Variants in SPATA22 observed in about 807,000 individuals in gnomAD.
SPATA22 encodes spermatogenesis associated 22.
A neutral mutation model predicts 47.8 loss-of-function variants in SPATA22; 29 were observed. The observed-to-expected ratio is 0.61, with a 90% CI of 0.45 to 0.83. The LOEUF (loss-of-function observed/expected upper bound fraction) is 0.83. Ranked by LOEUF, SPATA22 falls within the 40% of genes least tolerant of loss-of-function variation. The pLI, the probability that SPATA22 is intolerant of heterozygous loss-of-function variation, is 0.00. For synonymous variants in SPATA22, 133 were observed against 140.9 expected (o/e 0.94, Z 0.40); for missense variants, 410 against 421.7 (o/e 0.97, Z 0.24).
chr17:3,475,035 G>A (rs1307722683), upstream of SPATA22, among the ~76,000 whole-genome samples: 3 of 152,150 alleles, frequency 2.0e-5, no homozygotes, highest in Admixed American at 6.5e-5. Flanking sequence ...TGAGTGAAAG[G>A]ACATTATAAA....
chr17:3,464,662 C>A (rs1313443729), intron 3 of SPATA22, among the ~76,000 whole-genome samples: 5 of 151,282 alleles, frequency 3.3e-5, no homozygotes, highest in Admixed American at 6.6e-5. Flanking sequence ...AGCGCCTCTG[C>A]CCGGCCGCGA....
intron 1 of SPATA22, among the ~76,000 whole-genome samples, chr17:3,477,071 C>T (rs1343748575): frequency 1.3e-5 from 2 of 151,838 alleles, no homozygotes; most frequent in African/African-American, 4.8e-5. Context: ...AGGAGAATGG[C>T]GTGAACCCGG....
At chr17:3,477,965 G>A (rs1198902287) in intron 1 of SPATA22, among the ~76,000 whole-genome samples, 1 of 151,756 alleles carries the variant, frequency 6.6e-6, no homozygotes, top group Admixed American at 6.6e-5. Flanking sequence ...GGCAGATCAT[G>A]AGGTCAGGAG....
At chr17:3,445,082 G>T (rs2072698242) in intron 7 of SPATA22, among the ~76,000 whole-genome samples, 1 of 152,064 alleles carries the variant, frequency 6.6e-6, no homozygotes, top group Non-Finnish European at 1.5e-5. Flanking sequence ...ATAGGCTCAG[G>T]TTATTTTAAT....
chr17:3,455,220 G>A (rs900984092), intron 5 of SPATA22, among the ~76,000 whole-genome samples: 29 of 152,036 alleles, frequency 1.9e-4, no homozygotes, highest in East Asian at 3.9e-4. Context: ...AGCAGGTTGC[G>A]AAAATTTTCT....
At chr17:3,476,945 G>A (rs2073533695) in intron 1 of SPATA22, among the ~76,000 whole-genome samples, 1 of 152,176 alleles carries the variant, frequency 6.6e-6, no homozygotes, top group Non-Finnish European at 1.5e-5. Flanking sequence ...CACGAGGTCA[G>A]GAGATCGAGA....
chr17:3,473,509 T>C (rs974565900), upstream of SPATA22, among the ~76,000 whole-genome samples: 1 of 152,326 alleles, frequency 6.6e-6, no homozygotes, highest in South Asian at 2.1e-4. Context: ...TGTTTTGTTT[T>C]GTTTTTGAGA....
chr17:3,455,337 T>A (rs1276674220), intron 5 of SPATA22, among the ~76,000 whole-genome samples: 1 of 152,028 alleles, frequency 6.6e-6, no homozygotes, highest in Non-Finnish European at 1.5e-5. Context: ...TTGTTGCCAT[T>A]GCTTTTGGTG....
At chr17:3,509,927 C>T (rs535374603) in intron 1 of SPATA22, among the ~76,000 whole-genome samples, 4 of 152,202 alleles carry the variant, frequency 2.6e-5, no homozygotes, top group East Asian at 1.9e-4. Flanking sequence ...TGATGATGAG[C>T]TTTTTTTCAT....
At chr17:3,470,204 C>T (rs1322544730) in intron 1 of SPATA22, among the ~76,000 whole-genome samples, 3 of 151,060 alleles carry the variant, frequency 2.0e-5, no homozygotes, top group African/African-American at 7.3e-5. Flanking sequence ...CAAGTTTTTC[C>T]TTAGTTTTCT....
At chr17:3,506,986 A>G (rs866968735) in intron 1 of SPATA22, among the ~76,000 whole-genome samples, 11 of 140,838 alleles carry the variant, frequency 7.8e-5, no homozygotes, top group African/African-American at 2.8e-4. Context: ...GAAGGAAAAG[A>G]GAAGGAAGGG....
intron 1 of SPATA22, chr17:3,489,195 A>G: frequency 3.4e-6 from 4 of 1,190,282 alleles, no homozygotes; most frequent in East Asian, 2.3e-5. Context: ...ATATATTTTC[A>G]TACTTATATA....
rs962287469 is a variant in SPATA22 at position 3,456,010 on chromosome 17, C to T, written c.329+6473G>A. On this transcript the variant is annotated intron_variant, in intron 5 of 8. Transcript: ENST00000572969. The stretch of plus-strand genomic sequence containing the variant: ...TAGTTCTCCTTGAAGAGGTCCTTCA[C>T]GTCCCTTGTAAGTTGGATTCCTAAG... 2.3e-3 allele frequency among the ~76,000 whole-genome samples: 345 copies of T among 152,242 alleles called. 1 individual carries two copies. The highest frequency in any genetic ancestry group is 2.3e-3 in the Non-Finnish European group (155 of 68,014).
intron 5 of SPATA22, among the ~76,000 whole-genome samples, chr17:3,462,052 CT>C (rs1296835273): frequency 6.6e-6 from 1 of 152,156 alleles, no homozygotes; most frequent in Non-Finnish European, 1.5e-5. Context: ...ATTTTTCTTT[CT>C]TCTGCCATTC....
At position 3,448,890 on chromosome 17, in the gene SPATA22, G is replaced by C; in HGVS notation, c.589C>G (p.Leu197Val). Residue 197 changes from leucine to valine, a missense_variant, in exon 6 of 9, where the codon CTA becomes GTA. Physicochemically the swap from Leu to Val is conservative, Grantham distance 32. Coordinates refer to ENST00000572969, the MANE Select transcript of SPATA22 (RefSeq NM_001170698.2). ...TGAAAATTGGGCTTAAGTGTCTGTAGTGCACTGTTTTTGTCTAGCCCTCTC... is the reference window on the plus strand; with the variant it reads ...TGAAAATTGGGCTTAAGTGTCTGTACTGCACTGTTTTTGTCTAGCCCTCTC... ...TMRGLDKNSA[L>V]QTLKPNFQQN... The C allele has an allele frequency of 6.2e-7, 1 of 1,613,954 alleles. No homozygotes were observed. Among genetic ancestry groups the C allele is most frequent in the Non-Finnish European group, 8.5e-7 (1 of 1,179,938 alleles).
rs952182975 is a variant in SPATA22 at position 3,456,295 on chromosome 17, C to T, written c.329+6188G>A. Among the ~76,000 whole-genome samples the T allele has an allele frequency of 1.3e-4, 20 of 150,722 alleles. 1 individual carries two copies. In the South Asian group the frequency reaches 1.9e-3, roughly 14 times the overall value. On this transcript the variant is annotated intron_variant, in intron 5 of 8. Coordinates refer to ENST00000572969, the MANE Select transcript of SPATA22 (RefSeq NM_001170698.2). The stretch of plus-strand genomic sequence containing the variant: ...GAAAGGATCAACAAAATTGATAGAC[C>T]GCTAGCAAGACTAATAAAGAAAAAA...
At chr17:3,445,250 C>T (rs1360525820) in intron 7 of SPATA22, among the ~76,000 whole-genome samples, 1 of 152,072 alleles carries the variant, frequency 6.6e-6, no homozygotes, top group African/African-American at 2.4e-5. Flanking sequence ...AAATAGAATA[C>T]CATCTGCTAT....
rs115519971 is a variant in SPATA22 at position 3,493,083 on chromosome 17, T to C, written c.-74+20329A>G. ...CCATAACACGCTGTGGGCCCTACAT[T>C]GGACCAAACGTTCATCCTGTTTGCT... On this transcript the variant is annotated intron_variant, in intron 1 of 8. Coordinates refer to the SPATA22 transcript ENST00000541913. Among the ~76,000 whole-genome samples, 305 of 152,318 alleles carry C rather than the reference T, an allele frequency of 2.0e-3. 3 individuals are homozygous for C. Among genetic ancestry groups the C allele is most frequent in the African/African-American group, 6.2e-3 (258 of 41,576 alleles).
chr17:3,446,491 TAC>T lies in SPATA22; in HGVS notation c.781_782del (p.Val261ThrfsTer4). ...ACCTACCTAATACTTCAAAAAGAAGTACAGTTTTCTGTGCATGTTCACGCCAA... is the reference window on the plus strand; with the variant it reads ...ACCTACCTAATACTTCAAAAAGAAGTAGTTTTCTGTGCATGTTCACGCCAA... The part of the protein sequence containing the change: ...KYWREHAQKT[V>X]LLFEVLAVLD... On this transcript the variant is annotated frameshift_variant, in exon 7 of 9. Transcript: ENST00000572969. LOFTEE classifies it high-confidence loss of function. 1 of 1,606,236 alleles carries T rather than the reference TAC, an allele frequency of 6.2e-7. No homozygotes were observed. Among genetic ancestry groups the T allele is most frequent in the South Asian group, 1.1e-5 (1 of 88,904 alleles).
Sources: gnomAD v4.1 joint callset for allele counts (sites outside exome capture counted in the v4.1 genomes callset) on GRCh38, gnomAD v4.1.1 for gene constraint, MANE v1.5 for transcripts, NCBI Gene and HGNC (gene_info 2026-07-23, HGNC 2026-07-21) for gene names.